Variants in EDNRB observed in about 807,000 individuals in gnomAD.
EDNRB encodes endothelin receptor type B.
EDNRB carries 18 observed loss-of-function variants against 46.4 expected under a neutral mutation model. The ratio of observed to expected loss-of-function variants is 0.39; its 90% CI spans 0.27 to 0.57. EDNRB has a LOEUF of 0.57. Ranked by LOEUF, EDNRB falls within the 20% of genes least tolerant of loss-of-function variation. The pLI is 0.61. For synonymous variants in EDNRB, 213 were observed against 204.9 expected, an observed-to-expected ratio of 1.04 and a Z score of -0.34; for missense variants, 434 against 537.5, an observed-to-expected ratio of 0.81 and a Z score of 1.90.
chr13:77,918,081 C>T lies in EDNRB; in HGVS notation c.483+10G>A, dbSNP rs754674241. Reference sequence around the variant, plus strand: ...TCAAGCCCACCATGATTTCAGCAGGCGCCCTTTACCTTGTAGACATTGATA... The same window carrying T: ...TCAAGCCCACCATGATTTCAGCAGGTGCCCTTTACCTTGTAGACATTGATA... On this transcript the variant is annotated intron_variant, in intron 1 of 6. Coordinates refer to ENST00000646607, the MANE Select transcript of EDNRB (RefSeq NM_001122659.3). The surrounding 1 kb of genome is among the most constrained non-coding windows in gnomAD (Gnocchi z 4.5). The T allele has an allele frequency of 1.2e-6, 2 of 1,613,972 alleles. No homozygotes were observed. Among genetic ancestry groups the T allele is most frequent in the South Asian group, 2.2e-5 (2 of 91,060 alleles).
chr13:77,947,045 A>G (rs1880942370), intron 1 of EDNRB, among the ~76,000 whole-genome samples: 3 of 152,212 alleles, frequency 2.0e-5, no homozygotes. Context: ...AAGCTTTTCT[A>G]AACAGCAAGT....
chr13:77,950,419 G>C (rs921000190), intron 1 of EDNRB, among the ~76,000 whole-genome samples: 4 of 152,160 alleles, frequency 2.6e-5, no homozygotes, highest in Non-Finnish European at 5.9e-5. Context: ...GGGGACAATG[G>C]GTTTCCAATA....
In EDNRB at chr13:77,896,452, T is replaced by C; in HGVS notation, c.*1748A>G. On this transcript the variant is annotated 3_prime_UTR_variant, in exon 7 of 7. Transcript: ENST00000646607. ...CATATGGTGTGTGAATTAATTATTA[T>C]TGCTCTTTCTTTCTGGCCACATTGT... 1 of 1,566,482 alleles carries C rather than the reference T, an allele frequency of 6.4e-7. No individual in the cohort carries two copies. Among genetic ancestry groups the C allele is most frequent in the Non-Finnish European group, 8.7e-7 (1 of 1,153,830 alleles).
At chr13:77,972,201 C>A (rs146293548) in intron 1 of EDNRB, among the ~76,000 whole-genome samples, 2,176 of 152,260 alleles carry the variant, frequency 0.014, 46 homozygotes, top group East Asian at 0.024. Flanking sequence ...AAAGAGCTAC[C>A]ATGCAGCCTA....
chr13:77,971,471 A>G (rs1331956410), intron 1 of EDNRB, among the ~76,000 whole-genome samples: 1 of 152,108 alleles, frequency 6.6e-6, no homozygotes, highest in African/African-American at 2.4e-5. Flanking sequence ...GCCTTGGCCA[A>G]GGCCCCACAG....
intron 1 of EDNRB, among the ~76,000 whole-genome samples, chr13:77,973,397 T>A (rs1407396416): frequency 6.6e-6 from 1 of 152,190 alleles, no homozygotes; most frequent in South Asian, 2.1e-4. Flanking sequence ...TTTTATAGAC[T>A]CTTTTTAACA....
At chr13:77,919,590 G>A (rs1372114759), upstream of EDNRB, 1 of 1,611,098 alleles carries the variant, frequency 6.2e-7, no homozygotes, top group Admixed American at 1.7e-5. Flanking sequence ...GGTCTCTGCT[G>A]CCATCAGACA....
intron 3 of EDNRB, 101 bp downstream of exon 3, chr13:77,903,055 G>T: frequency 7.9e-7 from 1 of 1,263,036 alleles, no homozygotes. Context: ...GCCAAGGACA[G>T]TCATAAATCA....
intron 1 of EDNRB, among the ~76,000 whole-genome samples, chr13:77,943,017 C>T (rs1880797643): frequency 6.6e-6 from 1 of 152,056 alleles, no homozygotes; most frequent in South Asian, 2.1e-4. Context: ...TTTAGCCTGC[C>T]ATTTAAGGCA....
chr13:77,947,946 C>G (rs1315200036), intron 1 of EDNRB, among the ~76,000 whole-genome samples: 1 of 151,970 alleles, frequency 6.6e-6, no homozygotes, highest in Non-Finnish European at 1.5e-5. Context: ...AGATCTCAAT[C>G]AAATATATAT....
intron 1 of EDNRB, among the ~76,000 whole-genome samples, chr13:77,938,478 G>A (rs1262815078): frequency 6.6e-6 from 1 of 151,416 alleles, no homozygotes; most frequent in Non-Finnish European, 1.5e-5. Flanking sequence ...TAAGGGTGAA[G>A]GAGAAGGGGT....
intron 1 of EDNRB, among the ~76,000 whole-genome samples, chr13:77,912,196 C>A (rs1183630760): frequency 6.6e-6 from 1 of 152,002 alleles, no homozygotes; most frequent in East Asian, 1.9e-4. Flanking sequence ...GAAATGTAAA[C>A]CTTTTGATAG....
chr13:77,938,965 T>A (rs972455175), intron 1 of EDNRB, among the ~76,000 whole-genome samples: 4 of 152,230 alleles, frequency 2.6e-5, no homozygotes, highest in African/African-American at 9.6e-5. Flanking sequence ...CCTATCTGAG[T>A]CACAGCACCA....
chr13:77,925,908 G>C (rs903231468), intron 1 of EDNRB, among the ~76,000 whole-genome samples: 4 of 152,218 alleles, frequency 2.6e-5, no homozygotes, highest in African/African-American at 9.6e-5. Context: ...AAAGCCACAG[G>C]GGCAGAGCTG....
At chr13:77,924,309 T>C (rs1880170323), upstream of EDNRB, among the ~76,000 whole-genome samples, 2 of 152,238 alleles carry the variant, frequency 1.3e-5, no homozygotes, top group Admixed American at 1.3e-4. Context: ...AAAGTGATTC[T>C]GAAATGGCTT....
chr13:77,910,309 CA>C (rs1879510043), intron 1 of EDNRB, among the ~76,000 whole-genome samples: 1 of 151,702 alleles, frequency 6.6e-6, no homozygotes, highest in Non-Finnish European at 1.5e-5. Context: ...CAGTAAGAGT[CA>C]AAAAAGGAAA....
At position 77,958,904 on chromosome 13, in the gene EDNRB, G is replaced by A. The variant is rs531245021; in HGVS notation, c.-52+16443C>T. Among the ~76,000 whole-genome samples the A allele has an allele frequency of 5.3e-5, 8 of 152,278 alleles. No homozygotes were observed. In the East Asian group the frequency reaches 1.5e-3, roughly 29 times the overall value. On this transcript the variant is annotated intron_variant, in intron 1 of 7. Coordinates refer to the EDNRB transcript ENST00000646948. ...CTGATCTGAGCACCTTGAGTGGAATGTGGTATGGAATATGTATTTACAAGA... is the reference window on the plus strand; with the variant it reads ...CTGATCTGAGCACCTTGAGTGGAATATGGTATGGAATATGTATTTACAAGA...
At chr13:77,928,015 T>G (rs1880287657) in intron 1 of EDNRB, among the ~76,000 whole-genome samples, 3 of 152,186 alleles carry the variant, frequency 2.0e-5, no homozygotes, top group African/African-American at 4.8e-5. Flanking sequence ...TTGCTCCTCC[T>G]TTGCCTTCTG....
intron 1 of EDNRB, among the ~76,000 whole-genome samples, chr13:77,957,374 C>T (rs1019549763): frequency 6.6e-6 from 1 of 152,154 alleles, no homozygotes; most frequent in African/African-American, 2.4e-5. Context: ...CATTAGAATG[C>T]AAGCAGGCAA....
Sources: allele counts gnomAD v4.1 joint callset (sites outside exome capture counted in the v4.1 genomes callset), GRCh38; gene constraint gnomAD v4.1.1; non-coding constraint Gnocchi (gnomAD v3.1); transcripts MANE v1.5; gene names NCBI Gene and HGNC (gene_info 2026-07-23, HGNC 2026-07-21).